PDE1B: variants seen among roughly 807,000 people sequenced by gnomAD.
The protein encoded by PDE1B is phosphodiesterase 1B.
In PDE1B, 13 loss-of-function variants were observed where a neutral mutation model predicts 66.7. That is an observed-to-expected ratio of 0.19 (90% confidence interval 0.13 to 0.31). PDE1B has a LOEUF of 0.31. PDE1B is among the 10% of genes least tolerant of loss of function. The pLI is 1.00. For missense variants in PDE1B, 485 were observed against 682.3 expected (o/e 0.71, Z 3.22); for synonymous variants, 230 against 253.9 (o/e 0.91, Z 0.90).
intron 15 of PDE1B, 136 bp downstream of exon 15, chr12:54,577,481 G>A: frequency 6.3e-7 from 1 of 1,598,364 alleles, no homozygotes; most frequent in Non-Finnish European, 8.5e-7. Flanking sequence ...TGAAGACATA[G>A]AATGGAGCCA....
At chr12:54,567,167 C>A (rs1592376895) in intron 3 of PDE1B, 80 bp downstream of exon 3, 1 of 708,414 alleles carries the variant, frequency 1.4e-6, no homozygotes, top group Non-Finnish European at 2.4e-6. Flanking sequence ...CAAAGATAGA[C>A]ACATGTGGCA....
In PDE1B at chr12:54,550,818, G is replaced by A. The variant is rs920930966; in HGVS notation, c.113+833G>A. The stretch of plus-strand genomic sequence containing the variant: ...ATAAATGGGGGAAGGAAGAACTCAG[G>A]TATCTGATACTCCAGTCCCAGGGGA... On this transcript the variant is annotated intron_variant, in intron 2 of 15. Coordinates refer to ENST00000243052, the MANE Select transcript of PDE1B (RefSeq NM_000924.4). Among the ~76,000 whole-genome samples the A allele has an allele frequency of 2.0e-5, 3 of 152,240 alleles. No homozygotes were observed. The South Asian group carries it at 6.2e-4, about 32-fold the overall frequency.
intron 6 of PDE1B, 183 bp from the exon 7 acceptor site, chr12:54,572,418 T>A: frequency 1.5e-6 from 1 of 648,396 alleles, no homozygotes. Flanking sequence ...GGCATGTGAC[T>A]TACCCAAGGT....
intron 2 of PDE1B, among the ~76,000 whole-genome samples, chr12:54,552,179 A>G (rs1338015362): frequency 6.6e-6 from 1 of 152,116 alleles, no homozygotes; most frequent in South Asian, 2.1e-4. Flanking sequence ...CTATCAGATG[A>G]AGGGAAATAA....
At chr12:54,568,836 C>G (rs1408120715) in intron 3 of PDE1B, among the ~76,000 whole-genome samples, 1 of 152,164 alleles carries the variant, frequency 6.6e-6, no homozygotes, top group African/African-American at 2.4e-5. Context: ...ACCTATTTCT[C>G]TTTTCCTTTT....
chr12:54,576,501 C>T (rs1957751046), intron 13 of PDE1B, 70 bp from the exon 14 acceptor site: 4 of 1,591,760 alleles, frequency 2.5e-6, no homozygotes, highest in African/African-American at 1.3e-5. Flanking sequence ...GTCCTGCACT[C>T]CCAGGGCTAA....
At position 54,549,922 on chromosome 12, in the gene PDE1B, G is replaced by T. The variant is rs746925330; in HGVS notation, c.50G>T (p.Cys17Phe). Residue 17 changes from cysteine (C) to phenylalanine (F), a missense_variant, in exon 2 of 16, where the codon TGC becomes TTC. Cys to Phe is a radical substitution (Grantham distance 205). This residue lies in a region of PDE1B where 74 missense variants were observed against 78.7 expected (regional missense o/e 0.94). Transcript: ENST00000243052. ...CCGGAGATGCTGGAGGAGTCGGATT[G>T]CCCGTCACCCCTGGAGCTGAAGTCA... ...SPPEMLEESD[C>F]PSPLELKSAP... is the part of the protein sequence containing the mutation. The T allele has an allele frequency of 8.1e-6, 13 of 1,614,162 alleles. No individual in the cohort carries two copies. The highest frequency in any genetic ancestry group is 1.1e-5 in the Non-Finnish European group (13 of 1,180,014).
Position 54,569,438 on chromosome 12 carries a change from C to T in PDE1B, c.410+72C>T. 6.3e-7 allele frequency: 1 copy of T among 1,588,110 alleles called. No homozygotes were observed. On this transcript the variant is annotated intron_variant, in intron 4 of 15. Coordinates refer to ENST00000243052, the MANE Select transcript of PDE1B (RefSeq NM_000924.4). This position sits in a 1 kb window ranked among gnomAD's most constrained non-coding sequence, Gnocchi z 4.4. ...CTCTTTCCCAGCCACCCTGGTCTTC[C>T]ATGACCACCAGCCATATGATCCCAT...
At chr12:54,566,357 T>TCTGGAATCATAATC (rs1957515965) in intron 2 of PDE1B, among the ~76,000 whole-genome samples, 1 of 152,178 alleles carries the variant, frequency 6.6e-6, no homozygotes, top group Non-Finnish European at 1.5e-5. Flanking sequence ...GTTGATGGAT[T>TCTGGAATCATAATC]CTGGAATCAT....
intron 2 of PDE1B, among the ~76,000 whole-genome samples, chr12:54,565,809 G>A (rs183074608): frequency 1.3e-5 from 2 of 152,252 alleles, no homozygotes; most frequent in Admixed American, 1.3e-4. Flanking sequence ...GGATTCTAGA[G>A]CTACTTCTGT....
At chr12:54,561,939 C>T (rs535914257) in intron 2 of PDE1B, among the ~76,000 whole-genome samples, 1 of 152,258 alleles carries the variant, frequency 6.6e-6, no homozygotes, top group East Asian at 1.9e-4. Flanking sequence ...TGACTGCCAA[C>T]ATCCTTAGGA....
At position 54,569,115 on chromosome 12, in the gene PDE1B, G is replaced by A; in HGVS notation, c.228-69G>A. ...AGTTACTAAATGTGGGGTATGGCTG[G>A]GTACAGGGTCTCTAGGCTGTGGAAG... is the stretch of plus-strand genomic sequence containing the variant. On this transcript the variant is annotated intron_variant, in intron 3 of 15. Transcript: ENST00000243052. The surrounding 1 kb of genome is among the most constrained non-coding windows in gnomAD (Gnocchi z 4.4). 1 of 1,508,728 alleles carries A rather than the reference G, an allele frequency of 6.6e-7. No individual in the cohort carries two copies. Among genetic ancestry groups the A allele is most frequent in the Admixed American group, 2.2e-5 (1 of 45,438 alleles). The allele number at this position is 1,508,728 out of a possible 1,614,324, so 93.5% of individuals were successfully genotyped here. A position where few individuals can be genotyped will look rare whatever the true frequency, so the allele number is the denominator to read the frequency against.
At chr12:54,561,513 G>A (rs1957410029) in intron 2 of PDE1B, 2 of 1,423,140 alleles carry the variant, frequency 1.4e-6, no homozygotes, top group Admixed American at 2.5e-5. Context: ...AGAGGAAGTT[G>A]TCCCCTCTTG....
intron 2 of PDE1B, among the ~76,000 whole-genome samples, chr12:54,559,241 C>T (rs1366933308): frequency 1.4e-5 from 2 of 146,002 alleles, no homozygotes; most frequent in Non-Finnish European, 3.0e-5. Flanking sequence ...CCCACCCCCA[C>T]CCCTTTACCC....
Position 54,569,124 on chromosome 12 carries a change from T to C in PDE1B, c.228-60T>C, listed in dbSNP as rs781673391. ...ATGTGGGGTATGGCTGGGTACAGGG[T>C]CTCTAGGCTGTGGAAGCACCTGCTG... On this transcript the variant is annotated intron_variant, in intron 3 of 15. Coordinates refer to ENST00000243052, the MANE Select transcript of PDE1B (RefSeq NM_000924.4). The surrounding 1 kb of genome is among the most constrained non-coding windows in gnomAD (Gnocchi z 4.4). 2.6e-6 allele frequency: 4 copies of C among 1,541,062 alleles called. No homozygotes were observed. In the East Asian group the frequency reaches 6.9e-5, roughly 26 times the overall value.
Position 54,569,415 on chromosome 12 carries a change from C to G in PDE1B, c.410+49C>G. 1 of 1,589,256 alleles carries G rather than the reference C, an allele frequency of 6.3e-7. No individual in the cohort carries two copies. Among genetic ancestry groups the G allele is most frequent in the African/African-American group, 1.3e-5 (1 of 74,598 alleles). On this transcript the variant is annotated intron_variant, in intron 4 of 15. Coordinates refer to ENST00000243052, the MANE Select transcript of PDE1B (RefSeq NM_000924.4). This position sits in a 1 kb window ranked among gnomAD's most constrained non-coding sequence, Gnocchi z 4.4. ...TCCCTCTGCCTTTAGCTGTGCCCCTCTTTCCCAGCCACCCTGGTCTTCCAT... is the reference window on the plus strand; with the variant it reads ...TCCCTCTGCCTTTAGCTGTGCCCCTGTTTCCCAGCCACCCTGGTCTTCCAT...
intron 2 of PDE1B, among the ~76,000 whole-genome samples, chr12:54,562,108 G>T (rs1957427827): frequency 6.6e-6 from 1 of 152,164 alleles, no homozygotes. Flanking sequence ...TCTGCAGGAA[G>T]TCCTTCTCTG....
In PDE1B at chr12:54,573,567, C is replaced by G. The variant is rs771906826; in HGVS notation, c.963-41C>G. 2 of 1,609,544 alleles carry G rather than the reference C, an allele frequency of 1.2e-6. No homozygotes were observed. Among genetic ancestry groups the G allele is most frequent in the South Asian group, 2.2e-5 (2 of 90,978 alleles). ...ACTTCCTGGACCTCCTGCCCAGCAG[C>G]GCTGAGGGGACTGATTGCTTCTCTT... On this transcript the variant is annotated intron_variant, in intron 9 of 15. Coordinates refer to ENST00000243052, the MANE Select transcript of PDE1B (RefSeq NM_000924.4). The surrounding 1 kb of genome is among the most constrained non-coding windows in gnomAD (Gnocchi z 5.2).
At chr12:54,568,352 C>A (rs182931320) in intron 3 of PDE1B, among the ~76,000 whole-genome samples, 208 of 151,910 alleles carry the variant, frequency 1.4e-3, no homozygotes, top group South Asian at 2.5e-3. Flanking sequence ...GTCCCAGCTA[C>A]TTGGGAGGCT....
Sources: gnomAD v4.1 joint callset for allele counts (sites outside exome capture counted in the v4.1 genomes callset) on GRCh38, gnomAD v4.1.1 for gene constraint, gnomAD v4.1.1 regional missense constraint, Gnocchi (gnomAD v3.1) non-coding constraint, MANE v1.5 for transcripts, NCBI Gene and HGNC (gene_info 2026-07-23, HGNC 2026-07-21) for gene names.